Variants in WDR97 observed in about 807,000 individuals in gnomAD.
The protein encoded by WDR97 is WD repeat domain 97.
WDR97 carries 111 observed loss-of-function variants against 65.4 expected under a neutral mutation model. That is an observed-to-expected ratio of 1.70 (90% CI 1.45 to 1.99). The LOEUF (loss-of-function observed/expected upper bound fraction) is 1.99. Ranked by LOEUF, WDR97 falls within the 30% of genes most tolerant of loss-of-function variation. The pLI is 0.00. For missense variants in WDR97, 1,674 were observed against 865.0 expected, an observed-to-expected ratio of 1.94 and a Z score of -11.73; for synonymous variants, 802 against 397.7, an observed-to-expected ratio of 2.02 and a Z score of -12.10.
chr8:144,107,948 TCC>T (rs1440205485), intron 1 of WDR97, 86 bp downstream of exon 1: 6 of 700,960 alleles, frequency 8.6e-6, no homozygotes, highest in Non-Finnish European at 1.6e-5. Flanking sequence ...GGAACAAAAC[TCC>T]CCTGGGCAGT....
rs534755107 is a variant in WDR97, at chr8:144,108,985, C to A, written c.878+41C>A. ...CTAGGGAGGGCCAGGCATGTAGGGG[C>A]ACACGGCCCTCACACACAAGGCGAT... is the stretch of plus-strand genomic sequence containing the variant. On this transcript the variant is annotated intron_variant, in intron 3 of 23. Coordinates refer to ENST00000323662, the MANE Select transcript of WDR97 (RefSeq NM_001316309.2). The A allele has an allele frequency of 6.2e-4, 437 of 703,044 alleles. 6 individuals carry two copies. In the South Asian group the frequency reaches 6.3e-3, roughly 10 times the overall value. The allele number at this position is 703,044 out of a possible 1,614,324, so 43.6% of individuals were successfully genotyped here. A position where few individuals can be genotyped will look rare whatever the true frequency, so the allele number is the denominator to read the frequency against.
intron 3 of WDR97, 22 bp from the exon 4 acceptor site, chr8:144,109,027 T>C (rs1376716312): frequency 4.3e-6 from 3 of 703,016 alleles, no homozygotes; most frequent in Non-Finnish European, 7.8e-6. Flanking sequence ...TCCATTGGGA[T>C]TCTCCCATTC....
Position 144,111,471 on chromosome 8 carries a change from C to T in WDR97, c.2472C>T (p.His824=). 1.4e-6 allele frequency: 1 copy of T among 702,756 alleles called. No homozygotes were observed. The highest frequency in any genetic ancestry group is 2.0e-5 in the Admixed American group (1 of 50,014). 43.5% of individuals were successfully genotyped at this position (702,756 alleles called of 1,614,324 possible). The change falls in exon 11 of 24, where the codon CAC becomes CAT. Residue 824 remains histidine, a synonymous_variant. Transcript: ENST00000323662. The stretch of plus-strand genomic sequence containing the variant: ...ATCGTCGGAGGGCAACATCTCAGCA[C>T]CTGGTGCCGAAGGAGGTGGGGTGGG... The part of the protein sequence containing the change: ...LIHRRRATSQ[H]LVPKEDLDAI...
At chr8:144,114,994 T>G in intron 21 of WDR97, 83 bp downstream of exon 21, 1 of 618,654 alleles carries the variant, frequency 1.6e-6, no homozygotes, top group Non-Finnish European at 2.9e-6. Flanking sequence ...CAAAGCCAGC[T>G]GAGGCCACAG....
intron 15 of WDR97, chr8:144,112,835 G>T (rs1836576895): frequency 2.1e-6 from 1 of 474,054 alleles, no homozygotes; most frequent in Non-Finnish European, 3.8e-6. Flanking sequence ...CCCCGTGGAG[G>T]CGCTGGGAGG....
Position 144,111,426 on chromosome 8 carries a change from C to G in WDR97, c.2427C>G (p.Ser809Arg). 4.3e-6 allele frequency: 3 copies of G among 702,820 alleles called. No homozygotes were observed. Among genetic ancestry groups the G allele is most frequent in the Non-Finnish European group, 7.8e-6 (3 of 384,956 alleles). 43.5% of individuals were successfully genotyped at this position (702,820 alleles called of 1,614,324 possible). ...LTNLHGAASL[S>R]EALSLIHRRR... ...CACCTGTGCCTGTCCCTGTTTGCAG[C>G]GAGGCCTTGTCTCTCATCCATCGTC... Residue 809 changes from serine (S) to arginine (R), a missense_variant and splice_region_variant, in exon 11 of 24, where the codon AGC (serine) becomes AGG (arginine). Coordinates refer to ENST00000323662, the MANE Select transcript of WDR97 (RefSeq NM_001316309.2).
At position 144,108,064 on chromosome 8, in the gene WDR97, A is replaced by G; in HGVS notation, c.118A>G (p.Thr40Ala). 1.4e-6 allele frequency: 1 copy of G among 702,744 alleles called. No homozygotes were observed. Among genetic ancestry groups the G allele is most frequent in the South Asian group, 1.5e-5 (1 of 67,600 alleles). 43.5% of individuals were successfully genotyped at this position (702,744 alleles called of 1,614,324 possible). ...PGLLTEKNEL[T>A]FTEPSQVLPF... ...CTTCCAGTTCCTGCCCGCAGAGTTG[A>G]CTTTCACGGAGCCGTCGCAGGTCCT... The change falls in exon 2 of 24, where the codon ACT becomes GCT. Residue 40 changes from threonine (T) to alanine (A), a missense_variant. Physicochemically the swap from Thr to Ala is moderately conservative, Grantham distance 58. Coordinates refer to ENST00000323662, the MANE Select transcript of WDR97 (RefSeq NM_001316309.2).
rs1181985795 is a variant in WDR97 at position 144,116,114 on chromosome 8, G to T, written c.4690G>T (p.Ala1564Ser). Residue 1564 changes from alanine (A) to serine (S), a missense_variant, in exon 24 of 24, where the codon GCG (alanine) becomes TCG (serine). Physicochemically the swap from Ala to Ser is moderately conservative, Grantham distance 99 (BLOSUM62 1). Coordinates refer to ENST00000323662, the MANE Select transcript of WDR97 (RefSeq NM_001316309.2). The stretch of plus-strand genomic sequence containing the variant: ...AGGCCCCATGCGGTCCCGGCTCTGT[G>T]CGGGCCGCACCCTGGACGGCCCCAT... The part of the protein sequence containing the change: ...LRGPMRSRLC[A>S]GRTLDGPIRT... 1.4e-6 allele frequency: 1 copy of T among 693,310 alleles called. No individual in the cohort carries two copies. The highest frequency in any genetic ancestry group is 2.6e-6 in the Non-Finnish European group (1 of 382,272). The allele number at this position is 693,310 out of a possible 1,614,324, so 42.9% of individuals were successfully genotyped here.
chr8:144,113,406 G>A (rs969602212), intron 15 of WDR97, 34 bp from the exon 16 acceptor site: 5 of 700,966 alleles, frequency 7.1e-6, no homozygotes, highest in Non-Finnish European at 1.3e-5. Context: ...GGGGAATCCA[G>A]GTCCTCAGCA....
rs1249501947 is a variant in WDR97, at chr8:144,110,364, T to C, written c.1867T>C (p.Trp623Arg). 2 of 702,786 alleles carry C rather than the reference T, an allele frequency of 2.8e-6. No individual in the cohort carries two copies. The highest frequency in any genetic ancestry group is 2.0e-5 in the Admixed American group (1 of 50,004). The allele number at this position is 702,786 out of a possible 1,614,324, so 43.5% of individuals were successfully genotyped here. Residue 623 changes from tryptophan (W) to arginine (R), a missense_variant, in exon 7 of 24, where the codon TGG (tryptophan) becomes CGG (arginine). Physicochemically the swap from Trp to Arg is moderately radical, Grantham distance 101. Coordinates refer to ENST00000323662, the MANE Select transcript of WDR97 (RefSeq NM_001316309.2). The part of the protein sequence containing the change: ...SSGGDLTVKM[W>R]RVFPYAEESL... Reference sequence around the variant, plus strand: ...AGGTGGGGACCTGACGGTGAAGATGTGGCGCGTCTTCCCCTATGCCGAAGA... The same window carrying C: ...AGGTGGGGACCTGACGGTGAAGATGCGGCGCGTCTTCCCCTATGCCGAAGA...
chr8:144,108,329 AGCTGCGC>A lies in WDR97; in HGVS notation c.266_272del (p.Leu89ArgfsTer4), dbSNP rs957534421. The A allele has an allele frequency of 1.2e-5, 8 of 693,574 alleles. No individual in the cohort carries two copies. Among genetic ancestry groups the A allele is most frequent in the Non-Finnish European group, 2.1e-5 (8 of 382,342 alleles). The allele number at this position is 693,574 out of a possible 1,614,324, so 43.0% of individuals were successfully genotyped here. On this transcript the variant is annotated frameshift_variant, in exon 3 of 24. Coordinates refer to ENST00000323662, the MANE Select transcript of WDR97 (RefSeq NM_001316309.2). LOFTEE classifies it high-confidence loss of function. ...CCCGGCCCACAGGAGAAGAGAGCCG[AGCTGCGC>A]GCGGCGCGCCTGACGCATGGGCTGG...
In WDR97 at chr8:144,111,799, C is replaced by T. The variant is rs1249225085; in HGVS notation, c.2637+18C>T. ...GCCTGCTGGTAGGTGTAGGGCCTCCCCCAGCCCAGCCCTGACCCTGGCCCC... is the reference window on the plus strand; with the variant it reads ...GCCTGCTGGTAGGTGTAGGGCCTCCTCCAGCCCAGCCCTGACCCTGGCCCC... On this transcript the variant is annotated intron_variant, in intron 12 of 23. Coordinates refer to ENST00000323662, the MANE Select transcript of WDR97 (RefSeq NM_001316309.2). The T allele has an allele frequency of 2.9e-6, 2 of 688,836 alleles. No individual in the cohort carries two copies. Among genetic ancestry groups the T allele is most frequent in the Admixed American group, 4.1e-5 (2 of 49,376 alleles). The allele number at this position is 688,836 out of a possible 1,614,324, so 42.7% of individuals were successfully genotyped here. A position where few individuals can be genotyped will look rare whatever the true frequency, so the allele number is the denominator to read the frequency against.
In WDR97 at chr8:144,109,591, G is replaced by T; in HGVS notation, c.1257G>T (p.Ala419=). 2.9e-6 allele frequency: 2 copies of T among 690,410 alleles called. No homozygotes were observed. Among genetic ancestry groups the T allele is most frequent in the Non-Finnish European group, 5.3e-6 (2 of 379,690 alleles). The allele number at this position is 690,410 out of a possible 1,614,324, so 42.8% of individuals were successfully genotyped here. A position where few individuals can be genotyped will look rare whatever the true frequency, so the allele number is the denominator to read the frequency against. ...WRVRELYSPL[A]QLPAKVLHVQ... ...TACGCGAGCTCTACTCGCCGTTGGCGCAACTGCCCGCCAAGGTGCTCCACG... is the reference window on the plus strand; with the variant it reads ...TACGCGAGCTCTACTCGCCGTTGGCTCAACTGCCCGCCAAGGTGCTCCACG... Residue 419 remains alanine, a synonymous_variant, in exon 5 of 24, where the codon GCG becomes GCT. Coordinates refer to ENST00000323662, the MANE Select transcript of WDR97 (RefSeq NM_001316309.2).
At position 144,108,550 on chromosome 8, in the gene WDR97, G is replaced by A. The variant is rs1299128279; in HGVS notation, c.484G>A (p.Ala162Thr). ...GGTGACCGTGCTGGGCCCGCTGGGT[G>A]CCGTGGGCCGTTTTGTAGGCTGGGG... ...GLVTVLGPLG[A>T]VGRFVGWGPA... The change falls in exon 3 of 24, where the codon GCC (alanine) becomes ACC (threonine). Residue 162 changes from alanine (A) to threonine (T), a missense_variant. Transcript: ENST00000323662. 4 of 701,030 alleles carry A rather than the reference G, an allele frequency of 5.7e-6. No individual in the cohort carries two copies. The highest frequency in any genetic ancestry group is 2.7e-4 in the Middle Eastern group (1 of 3,664). 43.4% of individuals were successfully genotyped at this position (701,030 alleles called of 1,614,324 possible).
chr8:144,110,402 G>T lies in WDR97; in HGVS notation c.1905G>T (p.Leu635=). 2.8e-6 allele frequency: 2 copies of T among 703,038 alleles called. No individual in the cohort carries two copies. The highest frequency in any genetic ancestry group is 4.6e-4 in the Middle Eastern group (2 of 4,370). The allele number at this position is 703,038 out of a possible 1,614,324, so 43.5% of individuals were successfully genotyped here. Residue 635 remains leucine, a synonymous_variant, in exon 7 of 24, where the codon CTG becomes CTT. Coordinates refer to ENST00000323662, the MANE Select transcript of WDR97 (RefSeq NM_001316309.2). The part of the protein sequence containing the change: ...VFPYAEESLS[L]LRTFSCCYPA... ...CCTATGCCGAAGAGAGCCTGAGCCT[G>T]CTGCGCACCTTCTCCTGCTGCTACC... is the stretch of plus-strand genomic sequence containing the variant.
At position 144,110,402 on chromosome 8, in the gene WDR97, G is replaced by C. The variant is rs781369729; in HGVS notation, c.1905G>C (p.Leu635=). The change falls in exon 7 of 24, where the codon CTG becomes CTC. Residue 635 remains leucine, a synonymous_variant. Coordinates refer to ENST00000323662, the MANE Select transcript of WDR97 (RefSeq NM_001316309.2). ...VFPYAEESLS[L]LRTFSCCYPA... Reference sequence around the variant, plus strand: ...CCTATGCCGAAGAGAGCCTGAGCCTGCTGCGCACCTTCTCCTGCTGCTACC... The same window carrying C: ...CCTATGCCGAAGAGAGCCTGAGCCTCCTGCGCACCTTCTCCTGCTGCTACC... 1.4e-6 allele frequency: 1 copy of C among 702,920 alleles called. No individual in the cohort carries two copies. The highest frequency in any genetic ancestry group is 1.7e-5 in the African/African-American group (1 of 57,280). 43.5% of individuals were successfully genotyped at this position (702,920 alleles called of 1,614,324 possible).
rs1469848524 is a variant in WDR97 at position 144,116,009 on chromosome 8, G to A, written c.4662G>A (p.Leu1554=). 4.3e-6 allele frequency: 3 copies of A among 700,108 alleles called. No individual in the cohort carries two copies. The highest frequency in any genetic ancestry group is 1.7e-5 in the African/African-American group (1 of 57,180). 43.4% of individuals were successfully genotyped at this position (700,108 alleles called of 1,614,324 possible). ...GGTCCGCGAGGTCCGCGATGAGACT[G>A]AGGGGTGAGTGGAGCCAGGGGTGGA... The part of the protein sequence containing the change: ...PQRSARSAMR[L]RGPMRSRLCA... Residue 1554 remains leucine, a synonymous_variant, in exon 23 of 24, where the codon CTG becomes CTA. Coordinates refer to ENST00000323662, the MANE Select transcript of WDR97 (RefSeq NM_001316309.2).
intron 15 of WDR97, 135 bp from the exon 16 acceptor site, chr8:144,113,305 G>T (rs1836584438): frequency 1.5e-6 from 1 of 661,312 alleles, no homozygotes; most frequent in African/African-American, 1.8e-5. Flanking sequence ...TGCTAGCTCA[G>T]CCAGCTCTCG....
Position 144,109,407 on chromosome 8 carries a change from G to T in WDR97, c.1073G>T (p.Arg358Leu), listed in dbSNP as rs1362336145. 2.8e-6 allele frequency: 2 copies of T among 702,494 alleles called. No individual in the cohort carries two copies. Among genetic ancestry groups the T allele is most frequent in the Middle Eastern group, 4.6e-4 (2 of 4,358 alleles). The allele number at this position is 702,494 out of a possible 1,614,324, so 43.5% of individuals were successfully genotyped here. ...TCGGCCTCGCAGGACGGGACGCTAC[G>T]CACCTGGGACCTGCAGGCGGCGGCG... Reference protein sequence around the residue: ...VLSASQDGTLRTWDLQAAAQV... With the variant: ...VLSASQDGTLLTWDLQAAAQV... The change falls in exon 5 of 24, where the codon CGC becomes CTC. Residue 358 changes from arginine (R) to leucine (L), a missense_variant. Physicochemically the swap from Arg to Leu is moderately radical, Grantham distance 102 (BLOSUM62 -2). Transcript: ENST00000323662.
Sources: allele counts gnomAD v4.1 joint callset, GRCh38; gene constraint gnomAD v4.1.1; transcripts MANE v1.5; gene names NCBI Gene and HGNC (gene_info 2026-07-23, HGNC 2026-07-21).